The following ZNF385D variants were observed in gnomAD, a reference collection of about 807,000 sequenced individuals.
ZNF385D encodes zinc finger protein 385D, also known as zinc finger protein 659.
ZNF385D carries 15 observed loss-of-function variants against 35.8 expected under a neutral mutation model. That is an observed-to-expected ratio of 0.42 (90% CI 0.28 to 0.64). The LOEUF (loss-of-function observed/expected upper bound fraction) is 0.64, where lower values mean the gene tolerates loss of function less well. Ranked by LOEUF, ZNF385D falls within the 30% of genes least tolerant of loss-of-function variation. ZNF385D has a pLI of 0.23. For synonymous variants in ZNF385D, 212 were observed against 186.8 expected (o/e 1.13, Z -1.10); for missense variants, 474 against 494.6 (o/e 0.96, Z 0.39).
intron 3 of ZNF385D, among the ~76,000 whole-genome samples, chr3:21,975,406 G>T (rs1703533056): frequency 6.6e-6 from 1 of 152,042 alleles, no homozygotes; most frequent in Admixed American, 6.6e-5. Context: ...ACCAGAGGTT[G>T]GAAGGGTAGT....
chr3:21,631,703 C>T (rs1032108162), intron 2 of ZNF385D, among the ~76,000 whole-genome samples: 1 of 152,056 alleles, frequency 6.6e-6, no homozygotes, highest in Non-Finnish European at 1.5e-5. Flanking sequence ...GCTCCTCAAA[C>T]CTTTTACTTT....
intron 3 of ZNF385D, among the ~76,000 whole-genome samples, chr3:21,815,584 A>C (rs2073111391): frequency 6.6e-6 from 1 of 152,228 alleles, no homozygotes; most frequent in Non-Finnish European, 1.5e-5. Context: ...ATCTAGAAGA[A>C]ATGGAAAAAC....
chr3:21,915,872 CA>C (rs1700170267), intron 3 of ZNF385D, among the ~76,000 whole-genome samples: 1 of 152,040 alleles, frequency 6.6e-6, no homozygotes, highest in Non-Finnish European at 1.5e-5. Context: ...CCAAACACGG[CA>C]AAAATAACTC....
At chr3:21,850,427 T>A (rs904960747) in intron 3 of ZNF385D, among the ~76,000 whole-genome samples, 1 of 152,194 alleles carries the variant, frequency 6.6e-6, no homozygotes, top group African/African-American at 2.4e-5. Context: ...AGTAGTCTCT[T>A]TGAGCTGTAG....
intron 3 of ZNF385D, among the ~76,000 whole-genome samples, chr3:21,798,504 G>T (rs900434769): frequency 3.3e-5 from 5 of 152,190 alleles, no homozygotes; most frequent in East Asian, 1.9e-4. Context: ...TTCAAGGATA[G>T]CAGGGGAAGC....
At chr3:21,930,195 G>C (rs909836063) in intron 3 of ZNF385D, among the ~76,000 whole-genome samples, 28 of 149,738 alleles carry the variant, frequency 1.9e-4, no homozygotes, top group Non-Finnish European at 4.1e-4. Context: ...AGGGGTGAAA[G>C]AACAGTCTTT....
At chr3:21,548,967 T>C (rs921458440) in intron 3 of ZNF385D, among the ~76,000 whole-genome samples, 4 of 152,202 alleles carry the variant, frequency 2.6e-5, no homozygotes, top group African/African-American at 9.7e-5. Context: ...TGATTTTATA[T>C]CAAATACAAA....
intron 3 of ZNF385D, among the ~76,000 whole-genome samples, chr3:21,773,978 A>G (rs1236184263): frequency 2.0e-5 from 3 of 152,070 alleles, no homozygotes; most frequent in African/African-American, 7.2e-5. Context: ...ACATATGTTC[A>G]TTGCAGCACT....
At position 22,235,536 on chromosome 3, in the gene ZNF385D, C is replaced by G. The variant is rs80290841; in HGVS notation, c.107-66501G>C. Among the ~76,000 whole-genome samples the G allele has an allele frequency of 6.8e-3, 1,037 of 152,146 alleles. 8 individuals are homozygous for G. Among genetic ancestry groups the G allele is most frequent in the African/African-American group, 0.023 (969 of 41,554 alleles). ...AAATGACAACTAGAGACAAAATATT[C>G]AACTCTTATGCTAAACAGTGTTTTC... On this transcript the variant is annotated intron_variant, in intron 2 of 5. Transcript: ENST00000494108.
chr3:21,711,937 C>G (rs543969896), intron 1 of ZNF385D, among the ~76,000 whole-genome samples: 1 of 152,180 alleles, frequency 6.6e-6, no homozygotes, highest in Admixed American at 6.5e-5. Flanking sequence ...AAAAAACACA[C>G]AATTATGTAA....
intron 3 of ZNF385D, among the ~76,000 whole-genome samples, chr3:21,528,413 C>T: frequency 6.6e-6 from 1 of 152,136 alleles, no homozygotes; most frequent in Non-Finnish European, 1.5e-5. Flanking sequence ...AAATAAGTGC[C>T]AGTGAACAGG....
chr3:21,705,489 T>G (rs1263202362), intron 1 of ZNF385D, among the ~76,000 whole-genome samples: 1 of 152,224 alleles, frequency 6.6e-6, no homozygotes, highest in Non-Finnish European at 1.5e-5. Context: ...AATTCTACCG[T>G]GTTGAAAACT....
intron 2 of ZNF385D, among the ~76,000 whole-genome samples, chr3:21,642,566 A>G (rs1327313248): frequency 6.6e-6 from 1 of 152,146 alleles, no homozygotes; most frequent in Admixed American, 6.6e-5. Context: ...AGTCAGCAAC[A>G]TTCACTAATT....
In ZNF385D at chr3:21,759,001, A is replaced by AAAAAAAAAAAAC. The variant is rs1559593528; in HGVS notation, c.326-93974_326-93973insGTTTTTTTTTTT. ...AAAAAAAAAAAAAAAAAAAAAAAAAAAAAAACAGTGGTGATGCTATTGTAA... is the reference window on the plus strand; with the variant it reads ...AAAAAAAAAAAAAAAAAAAAAAAAAAAAAAAAAAAAACAAAAACAGTGGTGATGCTATTGTAA... On this transcript the variant is annotated intron_variant, in intron 3 of 5. Transcript: ENST00000494108. Among the ~76,000 whole-genome samples the AAAAAAAAAAAAC allele has an allele frequency of 1.5e-5, 2 of 133,144 alleles. 1 individual carries two copies. Among genetic ancestry groups the AAAAAAAAAAAAC allele is most frequent in the African/African-American group, 5.9e-5 (2 of 33,866 alleles). The allele number at this position is 133,144 out of a possible 152,430, so 87.3% of individuals were successfully genotyped here.
chr3:21,908,995 T>G (rs1027926726), intron 3 of ZNF385D, among the ~76,000 whole-genome samples: 2 of 152,050 alleles, frequency 1.3e-5, no homozygotes, highest in African/African-American at 4.8e-5. Context: ...ACCTCAGAAT[T>G]TTTTTTAAAT....
Position 21,983,139 on chromosome 3 carries a change from TTTTTATTTTA to T in ZNF385D, c.325+185668_325+185677del, listed in dbSNP as rs200957290. On this transcript the variant is annotated intron_variant, in intron 3 of 5. Coordinates refer to the ZNF385D transcript ENST00000494108. ...TGGGGAGGAGTCCCTCCTCCTCAATTTTTTATTTTATTTTATTTTATTTTATTATTTTTTT... is the reference window on the plus strand; with the variant it reads ...TGGGGAGGAGTCCCTCCTCCTCAATTTTTTATTTTATTTTATTATTTTTTT... Among the ~76,000 whole-genome samples, 792 of 147,340 alleles carry T rather than the reference TTTTTATTTTA, an allele frequency of 5.4e-3. 7 individuals carry two copies. The highest frequency in any genetic ancestry group is 0.01 in the African/African-American group (399 of 39,696).
chr3:22,081,664 T>C (rs997805786), intron 3 of ZNF385D, among the ~76,000 whole-genome samples: 3 of 152,150 alleles, frequency 2.0e-5, no homozygotes, highest in South Asian at 4.1e-4. Flanking sequence ...CCCTGTTTTT[T>C]ACAAGTCAAA....
At chr3:21,447,307 C>T (rs997074200) in intron 4 of ZNF385D, among the ~76,000 whole-genome samples, 5 of 152,014 alleles carry the variant, frequency 3.3e-5, no homozygotes, top group Admixed American at 2.6e-4. Context: ...AGGAAACTGC[C>T]TTTTCATGCT....
In ZNF385D at chr3:21,474,807, A is replaced by C. The variant is rs1475730062; in HGVS notation, c.439+36054T>G. Among the ~76,000 whole-genome samples, 3 of 152,268 alleles carry C rather than the reference A, an allele frequency of 2.0e-5. No individual in the cohort carries two copies. The East Asian group carries it at 5.8e-4, about 29-fold the overall frequency. On this transcript the variant is annotated intron_variant, in intron 4 of 7. Transcript: ENST00000281523. Reference sequence around the variant, plus strand: ...GAAACTCAGCTTGGCTTTGCTAATCAAATTATACATAAGTGATAAATTCCT... The same window carrying C: ...GAAACTCAGCTTGGCTTTGCTAATCCAATTATACATAAGTGATAAATTCCT...
Sources: gnomAD v4.1 joint callset for allele counts (sites outside exome capture counted in the v4.1 genomes callset) on GRCh38, gnomAD v4.1.1 for gene constraint, MANE v1.5 for transcripts, NCBI Gene and HGNC (gene_info 2026-07-23, HGNC 2026-07-21) for gene names.